Variants in NCAM2 observed in about 807,000 individuals in gnomAD.
NCAM2 encodes the protein neural cell adhesion molecule 2, also known as N-CAM-2.
Under a neutral mutation model 98.1 loss-of-function variants are expected in NCAM2, and 30 were observed. The ratio of observed to expected loss-of-function variants is 0.31; its 90% confidence interval spans 0.23 to 0.41. The LOEUF (loss-of-function observed/expected upper bound fraction) is 0.41. Ranked by LOEUF, NCAM2 falls within the 10% of genes least tolerant of loss-of-function variation. The pLI, the probability that NCAM2 is intolerant of heterozygous loss-of-function variation, is 1.00. For synonymous variants in NCAM2, 368 were observed against 342.4 expected (o/e 1.07, Z -0.83); for missense variants, 867 against 1,005.8 (o/e 0.86, Z 1.87).
intron 16 of NCAM2, among the ~76,000 whole-genome samples, chr21:21,521,060 A>G (rs1270739317): frequency 2.0e-5 from 3 of 152,146 alleles, no homozygotes; most frequent in Non-Finnish European, 4.4e-5. Context: ...CTCAGAAGAA[A>G]CTGTTTAACC....
chr21:21,417,055 T>G (rs2077009314), intron 10 of NCAM2, among the ~76,000 whole-genome samples: 1 of 152,102 alleles, frequency 6.6e-6, no homozygotes, highest in Non-Finnish European at 1.5e-5. Flanking sequence ...TTTTAAGAAA[T>G]TGTTCCAATG....
At chr21:21,032,779 G>A (rs550874262) in intron 1 of NCAM2, among the ~76,000 whole-genome samples, 1 of 152,134 alleles carries the variant, frequency 6.6e-6, no homozygotes, top group South Asian at 2.1e-4. Context: ...TACATTAATG[G>A]TTATTGGTAC....
At chr21:21,043,323 T>C (rs2064942253) in intron 1 of NCAM2, among the ~76,000 whole-genome samples, 2 of 152,176 alleles carry the variant, frequency 1.3e-5, no homozygotes, top group African/African-American at 4.8e-5. Flanking sequence ...CTAGGATGAG[T>C]AATTTAATCA....
intron 12 of NCAM2, among the ~76,000 whole-genome samples, chr21:21,453,764 C>A (rs1364227349): frequency 6.6e-6 from 1 of 151,888 alleles, no homozygotes; most frequent in Non-Finnish European, 1.5e-5. Context: ...ACAAATGATT[C>A]TTTGCTATTT....
At chr21:21,271,699 A>G (rs1475389569) in intron 1 of NCAM2, among the ~76,000 whole-genome samples, 3 of 152,222 alleles carry the variant, frequency 2.0e-5, no homozygotes, top group Non-Finnish European at 4.4e-5. Flanking sequence ...ATAGTTGAGA[A>G]AAAGGAAAGA....
intron 1 of NCAM2, among the ~76,000 whole-genome samples, chr21:21,026,695 T>C (rs1207727173): frequency 6.6e-6 from 1 of 152,070 alleles, no homozygotes; most frequent in African/African-American, 2.4e-5. Flanking sequence ...TCCTAAGAAA[T>C]TCTGTTTGAT....
intron 1 of NCAM2, among the ~76,000 whole-genome samples, chr21:21,233,062 T>C (rs1191736078): frequency 6.6e-6 from 1 of 151,700 alleles, no homozygotes; most frequent in Non-Finnish European, 1.5e-5. Context: ...AATTCTGTTA[T>C]GTTTGAGAGG....
intron 1 of NCAM2, among the ~76,000 whole-genome samples, chr21:21,265,801 C>G (rs1029168935): frequency 2.6e-5 from 4 of 151,966 alleles, no homozygotes; most frequent in African/African-American, 9.7e-5. Flanking sequence ...CTACTGAGTA[C>G]TACTCACTGT....
At chr21:21,192,906 C>T (rs2068870772) in intron 1 of NCAM2, among the ~76,000 whole-genome samples, 1 of 152,128 alleles carries the variant, frequency 6.6e-6, no homozygotes, top group South Asian at 2.1e-4. Flanking sequence ...TCTGTACATC[C>T]TAGTGTCGTG....
chr21:21,274,870 T>C (rs1047187063), intron 1 of NCAM2, among the ~76,000 whole-genome samples: 1 of 152,144 alleles, frequency 6.6e-6, no homozygotes, highest in Admixed American at 6.5e-5. Flanking sequence ...GCTGGTTCAG[T>C]TGTCAGTTTT....
At position 21,306,654 on chromosome 21, in the gene NCAM2, TG is replaced by T. The variant is rs566536038; in HGVS notation, c.619+14417del. Among the ~76,000 whole-genome samples the T allele has an allele frequency of 2.0e-3, 304 of 152,304 alleles. 4 individuals are homozygous for T. The highest frequency in any genetic ancestry group is 7.0e-3 in the African/African-American group (292 of 41,580). The stretch of plus-strand genomic sequence containing the variant: ...TGAAAGAAGCACATTCACATGAGAA[TG>T]GGGTATCTATCTCCTCAAGTGTTTT... On this transcript the variant is annotated intron_variant, in intron 5 of 17. Coordinates refer to ENST00000400546, the MANE Select transcript of NCAM2 (RefSeq NM_004540.5).
chr21:21,265,600 C>T (rs1227002453), intron 1 of NCAM2, among the ~76,000 whole-genome samples: 1 of 150,372 alleles, frequency 6.7e-6, no homozygotes. Flanking sequence ...AAAATGCAGT[C>T]ATGTCCTTCA....
In NCAM2 at chr21:21,538,003, A is replaced by C. The variant is rs768040575; in HGVS notation, c.*46A>C. On this transcript the variant is annotated 3_prime_UTR_variant, in exon 18 of 18. Coordinates refer to ENST00000400546, the MANE Select transcript of NCAM2 (RefSeq NM_004540.5). The stretch of plus-strand genomic sequence containing the variant: ...GAACAACACTACGAAGAGTATTTGG[A>C]TTGCGTGACCCTATGACCAAAACTA... The C allele has an allele frequency of 8.6e-7, 1 of 1,162,652 alleles. No homozygotes were observed. The highest frequency in any genetic ancestry group is 1.6e-5 in the South Asian group (1 of 64,140). The allele number at this position is 1,162,652 out of a possible 1,614,324, so 72.0% of individuals were successfully genotyped here. A position where few individuals can be genotyped will look rare whatever the true frequency, so the allele number is the denominator to read the frequency against.
chr21:21,072,512 T>C (rs62207592), intron 1 of NCAM2, among the ~76,000 whole-genome samples: 26,279 of 152,110 alleles, frequency 0.17, 2,492 homozygotes, highest in Non-Finnish European at 0.19. Context: ...TGGCATTGTA[T>C]GACAATGTAA....
intron 15 of NCAM2, among the ~76,000 whole-genome samples, chr21:21,505,300 C>T (rs1987913374): frequency 6.6e-6 from 1 of 151,968 alleles, no homozygotes; most frequent in Admixed American, 6.6e-5. Context: ...CTCTCTGAGT[C>T]TCTATCCCAC....
At chr21:21,037,052 A>G (rs140658224) in intron 1 of NCAM2, among the ~76,000 whole-genome samples, 1 of 152,112 alleles carries the variant, frequency 6.6e-6, no homozygotes, top group Non-Finnish European at 1.5e-5. Flanking sequence ...CTTTTTTTTG[A>G]GATGGTCTCA....
At chr21:21,218,608 T>C (rs2070006887) in intron 1 of NCAM2, among the ~76,000 whole-genome samples, 1 of 152,074 alleles carries the variant, frequency 6.6e-6, no homozygotes, top group African/African-American at 2.4e-5. Flanking sequence ...TTGAGTGAGA[T>C]ATAACTATGG....
chr21:21,090,339 A>G (rs1487116361), intron 1 of NCAM2, among the ~76,000 whole-genome samples: 6 of 152,302 alleles, frequency 3.9e-5, no homozygotes, highest in African/African-American at 1.4e-4. Context: ...TTCTGGGAAC[A>G]CTAAAACATA....
intron 11 of NCAM2, among the ~76,000 whole-genome samples, chr21:21,428,075 G>A (rs1299356688): frequency 6.6e-6 from 1 of 152,208 alleles, no homozygotes; most frequent in Non-Finnish European, 1.5e-5. Flanking sequence ...GGACTCTCAT[G>A]ACATATCCAG....
Sources: gnomAD v4.1 joint callset for allele counts (sites outside exome capture counted in the v4.1 genomes callset) on GRCh38, gnomAD v4.1.1 for gene constraint, MANE v1.5 for transcripts, NCBI Gene and HGNC (gene_info 2026-07-23, HGNC 2026-07-21) for gene names.